The following RBBP7 variants were observed in gnomAD, a reference collection of about 807,000 sequenced individuals.
RBBP7 encodes histone-binding protein RBBP7.
A neutral mutation model predicts 35.2 loss-of-function variants in RBBP7; 5 were observed. The observed-to-expected ratio is 0.14, with a 90% CI of 0.07 to 0.30. The LOEUF is 0.30. Among genes scored for constraint, RBBP7 ranks in the 10% least tolerant of loss-of-function variants. RBBP7 has a pLI of 1.00. For synonymous variants in RBBP7, 140 were observed against 118.7 expected, an observed-to-expected ratio of 1.18 and a Z score of -1.17; for missense variants, 155 against 327.5, an observed-to-expected ratio of 0.47 and a Z score of 4.07.
intron 3 of RBBP7, among the ~76,000 whole-genome samples, chrX:16,861,397 G>A (rs1930473749): frequency 9.0e-6 from 1 of 111,634 alleles, no homozygotes; most frequent in Non-Finnish European, 1.9e-5. Context: ...GTTGCTCAGG[G>A]TGGAGTGCAG....
At chrX:16,858,128 C>T (rs1042954255) in intron 4 of RBBP7, among the ~76,000 whole-genome samples, 1 of 111,067 alleles carries the variant, frequency 9.0e-6, no homozygotes, top group Admixed American at 9.6e-5. Context: ...TTTTGTAAGC[C>T]CAGAGCAGTG....
intron 10 of RBBP7, chrX:16,846,617 C>T (rs973184006): frequency 8.9e-6 from 1 of 112,165 alleles, no homozygotes; most frequent in Non-Finnish European, 1.9e-5. Context: ...CCGCAAGAGA[C>T]AACCTCGTCG....
At chrX:16,859,261 G>A (rs1484598574) in intron 3 of RBBP7, among the ~76,000 whole-genome samples, 1 of 112,191 alleles carries the variant, frequency 8.9e-6, no homozygotes, top group Non-Finnish European at 1.9e-5. Flanking sequence ...ATCAAAACAG[G>A]AAAGGTTTTA....
chrX:16,869,664 C>T lies in RBBP7; in HGVS notation c.16+374G>A, dbSNP rs376085960. 5.8e-5 allele frequency: 63 copies of T among 1,087,691 alleles called. 2 individuals are homozygous for T. The African/African-American group carries it at 8.8e-4, about 15-fold the overall frequency. The allele number at this position is 1,087,691 out of a possible 1,213,427, so 89.6% of individuals were successfully genotyped here. ...CATAGGCCTGAGGACCCCAGCAACC[C>T]CCGGACAAGGGCCGCGACCCCGAGG... On this transcript the variant is annotated intron_variant, in intron 1 of 11. Transcript: ENST00000380087.
In RBBP7 at chrX:16,845,019, T is replaced by C. The variant is rs1438951798; in HGVS notation, c.*16A>G. The C allele has an allele frequency of 1.7e-6, 2 of 1,189,777 alleles. No homozygotes were observed. Among genetic ancestry groups the C allele is most frequent in the East Asian group, 3.0e-5 (1 of 33,667 alleles). ...GTAGCATTACATTCAACAGAAACATTTCTCGTACTTTGGGTTTAAGATCCT... is the reference window on the plus strand; with the variant it reads ...GTAGCATTACATTCAACAGAAACATCTCTCGTACTTTGGGTTTAAGATCCT... On this transcript the variant is annotated 3_prime_UTR_variant, in exon 12 of 12. Coordinates refer to ENST00000380087, the MANE Select transcript of RBBP7 (RefSeq NM_002893.4).
intron 1 of RBBP7, 104 bp from the exon 2 acceptor site, chrX:16,869,324 T>C (rs1602430356): frequency 1.9e-6 from 2 of 1,071,423 alleles, no homozygotes; most frequent in East Asian, 6.1e-5. Flanking sequence ...TCTTTCCTTT[T>C]ACCTCTAATT....
At chrX:16,868,969 T>C (rs1183672083) in intron 2 of RBBP7, 107 bp downstream of exon 2, 2 of 886,715 alleles carry the variant, frequency 2.3e-6, no homozygotes, top group African/African-American at 2.0e-5. Context: ...TGCCACCTCA[T>C]GCAAGGGCTG....
At position 16,844,839 on chromosome X, in the gene RBBP7, AAC is replaced by A; in HGVS notation, c.*194_*195del. 1 of 335,403 alleles carries A rather than the reference AAC, an allele frequency of 3.0e-6. No individual in the cohort carries two copies. The highest frequency in any genetic ancestry group is 5.2e-6 in the Non-Finnish European group (1 of 191,475). The allele number at this position is 335,403 out of a possible 1,213,427, so 27.6% of individuals were successfully genotyped here. A position where few individuals can be genotyped will look rare whatever the true frequency, so the allele number is the denominator to read the frequency against. The stretch of plus-strand genomic sequence containing the variant: ...TCAATGGTGATGTTCTTTCTTAAGC[AAC>A]ATTCTTCTCTTCCCTAATAGCTACA... On this transcript the variant is annotated 3_prime_UTR_variant, in exon 12 of 12. Coordinates refer to ENST00000380087, the MANE Select transcript of RBBP7 (RefSeq NM_002893.4).
intron 10 of RBBP7, chrX:16,846,174 C>T: frequency 3.0e-6 from 1 of 335,983 alleles, no homozygotes; most frequent in Non-Finnish European, 4.7e-6. Context: ...CCTAGATTCA[C>T]CAAGTGATAC....
intron 10 of RBBP7, chrX:16,846,157 C>T: frequency 4.9e-6 from 2 of 407,193 alleles, no homozygotes; most frequent in Non-Finnish European, 7.4e-6. Flanking sequence ...TACCTGTATA[C>T]CCTTTACCTA....
intron 8 of RBBP7, 99 bp downstream of exon 8, chrX:16,852,452 A>AT (rs1417761682): frequency 4.4e-6 from 4 of 911,621 alleles, no homozygotes; most frequent in Admixed American, 4.4e-5. Flanking sequence ...CGTACAAGAC[A>AT]TTTTTTTCAA....
intron 10 of RBBP7, 125 bp from the exon 11 acceptor site, chrX:16,846,063 G>A: frequency 9.5e-7 from 1 of 1,057,163 alleles, no homozygotes; most frequent in Non-Finnish European, 1.2e-6. Flanking sequence ...GTTTTAGAAG[G>A]TGGTACAGGC....
intron 9 of RBBP7, among the ~76,000 whole-genome samples, chrX:16,851,396 C>T (rs768444640): frequency 8.9e-6 from 1 of 111,798 alleles, no homozygotes; most frequent in South Asian, 3.7e-4. Context: ...TGACATCTTA[C>T]GGAGGAGTAT....
At chrX:16,854,708 A>C (rs1930302945) in intron 5 of RBBP7, among the ~76,000 whole-genome samples, 1 of 109,271 alleles carries the variant, frequency 9.2e-6, no homozygotes, top group African/African-American at 3.3e-5. Context: ...CCTGGCGCCC[A>C]CAGACAGATC....
At chrX:16,864,622 T>A (rs1275356740) in intron 2 of RBBP7, among the ~76,000 whole-genome samples, 1 of 108,876 alleles carries the variant, frequency 9.2e-6, no homozygotes, top group Non-Finnish European at 1.9e-5. Flanking sequence ...TATCAAAAAA[T>A]TAATTAATTC....
rs753780858 is a variant in RBBP7 at position 16,849,793 on chromosome X, T to A, written c.1041-492A>T. On this transcript the variant is annotated intron_variant, in intron 9 of 11. Transcript: ENST00000380087. ...AATCTACACATAAACTGATGTGCAA[T>A]CCCTATACTTCACTCAAAGCCTGTT... 3.4e-4 allele frequency among the ~76,000 whole-genome samples: 38 copies of A among 112,314 alleles called. 1 individual carries two copies. The highest frequency in any genetic ancestry group is 1.2e-3 in the African/African-American group (37 of 30,945).
chrX:16,866,124 A>C (rs895447310), intron 2 of RBBP7, among the ~76,000 whole-genome samples: 28 of 112,155 alleles, frequency 2.5e-4, no homozygotes, highest in African/African-American at 8.8e-4. Flanking sequence ...TGAATTTGAA[A>C]AATTACAAAG....
intron 5 of RBBP7, among the ~76,000 whole-genome samples, chrX:16,856,624 C>G (rs1930360739): frequency 9.0e-6 from 1 of 111,141 alleles, no homozygotes; most frequent in Non-Finnish European, 1.9e-5. Context: ...CAGGAAATAC[C>G]ACTTTATGCA....
At chrX:16,868,973 AG>A (rs1179329984) in intron 2 of RBBP7, 102 bp downstream of exon 2, 24 of 901,251 alleles carry the variant, frequency 2.7e-5, no homozygotes, top group Non-Finnish European at 1.7e-5. Flanking sequence ...ACCTCATGCA[AG>A]GGCTGATTAC....
Sources: allele counts gnomAD v4.1 joint callset (sites outside exome capture counted in the v4.1 genomes callset), GRCh38; gene constraint gnomAD v4.1.1; transcripts MANE v1.5; gene names NCBI Gene and HGNC (gene_info 2026-07-23, HGNC 2026-07-21).